Variants in RANBP2 observed in about 807,000 individuals in gnomAD.
RANBP2 encodes the protein E3 SUMO-protein ligase RanBP2.
RANBP2 carries 57 observed loss-of-function variants against 303.6 expected under a neutral mutation model. The ratio of observed to expected loss-of-function variants is 0.19; its 90% CI spans 0.15 to 0.23. RANBP2 has a LOEUF of 0.23. RANBP2 is among the 10% of genes least tolerant of loss of function. The pLI is 1.00. For missense variants in RANBP2, 3,138 were observed against 3,780.8 expected (o/e 0.83, Z 4.46); for synonymous variants, 1,167 against 1,301.5 (o/e 0.90, Z 2.23).
At chr2:108,873,773 T>C in the RANBP2 span, among the ~76,000 whole-genome samples, 2 of 152,146 alleles carry the variant, frequency 1.3e-5, no homozygotes, top group Admixed American at 1.3e-4. Context: ...CAAAACCTCA[T>C]AGTGTTTTCA....
the RANBP2 span, among the ~76,000 whole-genome samples, chr2:108,835,308 T>G: frequency 6.6e-6 from 1 of 152,194 alleles, no homozygotes; most frequent in Non-Finnish European, 1.5e-5. Flanking sequence ...TGTTCAATGA[T>G]TGAGTGCTGT....
chr2:109,063,677 T>G, the RANBP2 span, among the ~76,000 whole-genome samples: 6 of 152,130 alleles, frequency 3.9e-5, no homozygotes, highest in African/African-American at 1.4e-4. Context: ...TACCCATGCA[T>G]GTGCACTACA....
At chr2:109,271,929 G>T in the RANBP2 span, among the ~76,000 whole-genome samples, 1,231 of 152,310 alleles carry the variant, frequency 8.1e-3, 12 homozygotes, top group East Asian at 0.037. Flanking sequence ...CACAGCCCTG[G>T]ATCCTCCTTT....
At chr2:109,644,479 G>T in the RANBP2 span, among the ~76,000 whole-genome samples, 1 of 152,316 alleles carries the variant, frequency 6.6e-6, no homozygotes, top group Non-Finnish European at 1.5e-5. Flanking sequence ...GATCACTAAG[G>T]TAGAGAATAT....
the RANBP2 span, among the ~76,000 whole-genome samples, chr2:109,359,523 T>G: frequency 7.2e-5 from 11 of 152,254 alleles, no homozygotes; most frequent in African/African-American, 2.4e-4. Flanking sequence ...CATTTGTACC[T>G]AAGTATTTCA....
chr2:109,165,220 G>T, the RANBP2 span, among the ~76,000 whole-genome samples: 20 of 152,156 alleles, frequency 1.3e-4, no homozygotes, highest in African/African-American at 4.8e-4. Flanking sequence ...TGCTAATCCT[G>T]CAAAGAAGTC....
At chr2:108,803,375 G>A in the RANBP2 span, among the ~76,000 whole-genome samples, 1 of 113,184 alleles carries the variant, frequency 8.8e-6, no homozygotes. Context: ...ATCTTGCCAG[G>A]AAGACTGGTT....
At chr2:109,023,245 G>A in the RANBP2 span, among the ~76,000 whole-genome samples, 12 of 152,266 alleles carry the variant, frequency 7.9e-5, no homozygotes, top group African/African-American at 2.2e-4. Flanking sequence ...CCCTGTGGAC[G>A]CACAGGACAT....
chr2:109,513,494 A>ACACACCACATGTACG, the RANBP2 span, among the ~76,000 whole-genome samples: 1 of 151,932 alleles, frequency 6.6e-6, no homozygotes, highest in South Asian at 2.1e-4. Context: ...CCACATGTAC[A>ACACACCACATGTACG]CACACCACAT....
chr2:109,713,245 C>T, the RANBP2 span, among the ~76,000 whole-genome samples: 1 of 152,164 alleles, frequency 6.6e-6, no homozygotes, highest in African/African-American at 2.4e-5. Context: ...TACCCAGTTA[C>T]GAATCTCCAG....
rs1675642514 is a variant in RANBP2 at position 108,749,140 on chromosome 2, T to C, written c.1273+11T>C. On this transcript the variant is annotated intron_variant, in intron 9 of 28. Coordinates refer to ENST00000283195, the MANE Select transcript of RANBP2 (RefSeq NM_006267.5). ...CTAGATACGATGTTGGTAAGTTATA[T>C]GTTTCAGAGGAAATGGTCTCCGTCT... is the stretch of plus-strand genomic sequence containing the variant. 6.2e-7 allele frequency: 1 copy of C among 1,611,840 alleles called. No homozygotes were observed. Among genetic ancestry groups the C allele is most frequent in the African/African-American group, 1.3e-5 (1 of 74,854 alleles).
the RANBP2 span, among the ~76,000 whole-genome samples, chr2:109,383,087 C>G: frequency 6.6e-6 from 1 of 152,194 alleles, no homozygotes; most frequent in Non-Finnish European, 1.5e-5. Context: ...GCCCTGAGGG[C>G]GGGCCCTGGC....
the RANBP2 span, chr2:109,432,633 T>G: frequency 6.2e-7 from 1 of 1,613,012 alleles, no homozygotes; most frequent in Non-Finnish European, 8.5e-7. Flanking sequence ...CCGGGGTCTC[T>G]GGGGTGTTCC....
chr2:109,377,529 A>C, the RANBP2 span, among the ~76,000 whole-genome samples: 1 of 152,180 alleles, frequency 6.6e-6, no homozygotes, highest in Non-Finnish European at 1.5e-5. Flanking sequence ...CTTGTGCCTT[A>C]GTTGGTTGTT....
intron 7 of RANBP2, among the ~76,000 whole-genome samples, chr2:108,746,124 T>G (rs986029154): frequency 2.4e-4 from 36 of 151,964 alleles, no homozygotes; most frequent in South Asian, 8.3e-4. Flanking sequence ...GTTCAGGCTG[T>G]TCTTGAACTC....
At chr2:109,527,029 T>A in the RANBP2 span, among the ~76,000 whole-genome samples, 6 of 152,226 alleles carry the variant, frequency 3.9e-5, no homozygotes, top group Non-Finnish European at 5.9e-5. Context: ...AAATTGTGCT[T>A]GACCAATTAA....
the RANBP2 span, among the ~76,000 whole-genome samples, chr2:109,422,571 G>A: frequency 6.9e-4 from 104 of 151,792 alleles, 1 homozygote; most frequent in East Asian, 0.015. Context: ...CTGCAGAGAC[G>A]TCTCTCATTC....
the RANBP2 span, among the ~76,000 whole-genome samples, chr2:108,964,652 C>T: frequency 1.3e-5 from 2 of 152,168 alleles, no homozygotes; most frequent in African/African-American, 4.8e-5. Context: ...AATAGCACTC[C>T]AATTCCAGAA....
At chr2:109,135,792 G>C in the RANBP2 span, among the ~76,000 whole-genome samples, 11 of 152,126 alleles carry the variant, frequency 7.2e-5, no homozygotes, top group Non-Finnish European at 5.9e-5. Context: ...GCTTGAGTCT[G>C]TTGGTTTCCT....
Sources: gnomAD v4.1 joint callset for allele counts (sites outside exome capture counted in the v4.1 genomes callset) on GRCh38, gnomAD v4.1.1 for gene constraint, MANE v1.5 for transcripts, NCBI Gene and HGNC (gene_info 2026-07-23, HGNC 2026-07-21) for gene names.